ITM2A: variants seen among roughly 807,000 people sequenced by gnomAD.
The protein encoded by ITM2A is BRICHOS domain containing 2A.
In ITM2A, 11 loss-of-function variants were observed where a neutral mutation model predicts 16.6. That is an observed-to-expected ratio of 0.66 (90% CI 0.42 to 1.10). ITM2A has a LOEUF of 1.10. ITM2A is among the 50% of genes least tolerant of loss of function. The pLI, the probability that ITM2A is intolerant of heterozygous loss-of-function variation, is 0.00. For synonymous variants in ITM2A, 102 were observed against 71.2 expected, an observed-to-expected ratio of 1.43 and a Z score of -2.18; for missense variants, 243 against 206.8, an observed-to-expected ratio of 1.17 and a Z score of -1.07.
At chrX:79,363,233 G>T in intron 2 of ITM2A, 94 bp from the exon 3 acceptor site, 1 of 805,758 alleles carries the variant, frequency 1.2e-6, no homozygotes, top group Non-Finnish European at 1.8e-6. Flanking sequence ...ATTGTACTAT[G>T]TGTTAAGCCG....
chrX:79,363,585 A>T, intron 1 of ITM2A, 31 bp from the exon 2 acceptor site: 1 of 1,120,726 alleles, frequency 8.9e-7, no homozygotes, highest in Non-Finnish European at 1.2e-6. Context: ...CCAAAAACAA[A>T]ACCAGATTGT....
In ITM2A at chrX:79,360,391, G is replaced by C. The variant is rs780947065; in HGVS notation, c.*698C>G. The C allele has an allele frequency of 6.3e-5, 7 of 111,630 alleles. No homozygotes were observed. Among genetic ancestry groups the C allele is most frequent in the African/African-American group, 2.3e-4 (7 of 30,846 alleles). 9.2% of individuals were successfully genotyped at this position (111,630 alleles called of 1,213,427 possible). On this transcript the variant is annotated 3_prime_UTR_variant, in exon 6 of 6. Transcript: ENST00000373298. ...AAATAAAAGAAACAGTGGTTGTATA[G>C]AGTAAAATTTATTATAGGGTTGTAG...
rs755788431 is a variant in ITM2A at position 79,363,001 on chromosome X, C to A, written c.382G>T (p.Val128Leu). Residue 128 changes from valine (V) to leucine (L), a missense_variant, in exon 3 of 6, where the codon GTG (valine) becomes TTG (leucine). Transcript: ENST00000373298. Reference protein sequence around the residue: ...REDDNIAIIDVPVPSFSDSDP... With the variant: ...REDDNIAIIDLPVPSFSDSDP... ...CTATCAGAGAAACTGGGGACAGGCA[C>A]ATCAATGATTGCAATGTTGTCATCC... 36 of 1,205,932 alleles carry A rather than the reference C, an allele frequency of 3.0e-5. No individual in the cohort carries two copies. The African/African-American group carries it at 3.9e-4, about 13-fold the overall frequency.
In ITM2A at chrX:79,367,096, G is replaced by A. The variant is rs768805944; in HGVS notation, c.111+9C>T. Reference sequence around the variant, plus strand: ...CCACCCCTCCCCCATCCCGCCCTGGGACAGCTACCTTGCCGGTCAGTATCT... The same window carrying A: ...CCACCCCTCCCCCATCCCGCCCTGGAACAGCTACCTTGCCGGTCAGTATCT... On this transcript the variant is annotated intron_variant, in intron 1 of 5. Transcript: ENST00000373298. 3.4e-6 allele frequency: 4 copies of A among 1,165,615 alleles called. No homozygotes were observed. The East Asian group carries it at 1.2e-4, about 36-fold the overall frequency.
At chrX:79,365,376 T>G (rs1925543062) in intron 1 of ITM2A, among the ~76,000 whole-genome samples, 1 of 111,643 alleles carries the variant, frequency 9.0e-6, no homozygotes, top group Non-Finnish European at 1.9e-5. Flanking sequence ...CTCTTGGAAC[T>G]CTTTCGAAGT....
Position 79,362,833 on chromosome X carries a change from C to G in ITM2A, c.441+109G>C, listed in dbSNP as rs888059472. 4.0e-5 allele frequency: 28 copies of G among 702,131 alleles called. No homozygotes were observed. The Middle Eastern group carries it at 9.2e-4, about 23-fold the overall frequency. The allele number at this position is 702,131 out of a possible 1,213,427, so 57.9% of individuals were successfully genotyped here. On this transcript the variant is annotated intron_variant, in intron 3 of 5. Coordinates refer to ENST00000373298, the MANE Select transcript of ITM2A (RefSeq NM_004867.5). Reference sequence around the variant, plus strand: ...ACAACAAAAGAATGAAAAGGCTTTGCCTCAAAAACATGTGCATTCATGAAT... The same window carrying G: ...ACAACAAAAGAATGAAAAGGCTTTGGCTCAAAAACATGTGCATTCATGAAT...
At chrX:79,361,600 G>C in intron 4 of ITM2A, 121 bp from the exon 5 acceptor site, 4 of 580,308 alleles carry the variant, frequency 6.9e-6, no homozygotes, top group Non-Finnish European at 1.1e-5. Context: ...TTGTTGTAGA[G>C]ATTATTTAAT....
chrX:79,361,209 T>C (rs747508269), intron 5 of ITM2A, 32 bp from the exon 6 acceptor site: 8 of 1,146,659 alleles, frequency 7.0e-6, no homozygotes, highest in Middle Eastern at 2.4e-4. Flanking sequence ...AAGTGGCTTT[T>C]GAAATTTTTG....
chrX:79,363,939 C>T (rs974887430), intron 1 of ITM2A, among the ~76,000 whole-genome samples: 1 of 111,818 alleles, frequency 8.9e-6, no homozygotes, highest in African/African-American at 3.2e-5. Flanking sequence ...TAACAATAGG[C>T]ACAATGCAGT....
intron 4 of ITM2A, among the ~76,000 whole-genome samples, chrX:79,362,260 T>C (rs750247743): frequency 9.0e-6 from 1 of 111,552 alleles, no homozygotes; most frequent in Non-Finnish European, 1.9e-5. Flanking sequence ...GTGATTTTGA[T>C]TTGCATTTAT....
intron 1 of ITM2A, among the ~76,000 whole-genome samples, chrX:79,365,469 T>A (rs1034047399): frequency 8.1e-5 from 9 of 111,325 alleles, no homozygotes; most frequent in African/African-American, 2.9e-4. Context: ...ACACAATATG[T>A]CAAATATTAT....
intron 1 of ITM2A, among the ~76,000 whole-genome samples, chrX:79,366,338 A>G (rs921875386): frequency 1.8e-5 from 2 of 111,718 alleles, no homozygotes; most frequent in African/African-American, 3.3e-5. Context: ...AAAATAATTG[A>G]AAAGTATCCT....
chrX:79,364,629 G>A (rs1323956497), intron 1 of ITM2A, among the ~76,000 whole-genome samples: 2 of 111,707 alleles, frequency 1.8e-5, no homozygotes, highest in Non-Finnish European at 3.8e-5. Flanking sequence ...TCATTCAAAC[G>A]TGTATATAAA....
rs1332936180 is a variant in ITM2A, at chrX:79,361,348, A to G, written c.684T>C (p.Arg228=). 8.3e-7 allele frequency: 1 copy of G among 1,210,048 alleles called. No homozygotes were observed. The highest frequency in any genetic ancestry group is 2.3e-4 in the Middle Eastern group (1 of 4,349). The change falls in exon 5 of 6, where the codon CGT becomes CGC. Residue 228 remains arginine, a synonymous_variant. Transcript: ENST00000373298. ...LCNNRKSFRL[R]RRDLLLGFNK... is the part of the protein sequence containing the mutation. ...ACTTACCCAGCAAGAGGTCTCTGCG[A>G]CGAAGGCGGAAGGACTTTCTGTTAT... is the stretch of plus-strand genomic sequence containing the variant.
intron 1 of ITM2A, among the ~76,000 whole-genome samples, chrX:79,364,767 G>C (rs777295196): frequency 9.0e-6 from 1 of 111,635 alleles, no homozygotes; most frequent in African/African-American, 3.2e-5. Context: ...TAATGCAGAA[G>C]ATGAAAGGAC....
intron 1 of ITM2A, among the ~76,000 whole-genome samples, chrX:79,363,791 A>G (rs1262775473): frequency 8.9e-6 from 1 of 112,099 alleles, no homozygotes; most frequent in African/African-American, 3.2e-5. Flanking sequence ...TCGATATGAA[A>G]TTATTTCAAA....
rs752152528 is a variant in ITM2A at position 79,362,901 on chromosome X, G to A, written c.441+41C>T. On this transcript the variant is annotated intron_variant, in intron 3 of 5. Transcript: ENST00000373298. ...ATGAAGTAAAAAAGAGAGAGAGAGA[G>A]AAAAAAAATCCTGGAATATTTATAA... is the stretch of plus-strand genomic sequence containing the variant. 126 of 1,025,755 alleles carry A rather than the reference G, an allele frequency of 1.2e-4. 1 individual carries two copies. The highest frequency in any genetic ancestry group is 7.4e-4 in the Admixed American group (32 of 43,216). 84.5% of individuals were successfully genotyped at this position (1,025,755 alleles called of 1,213,427 possible). A position where few individuals can be genotyped will look rare whatever the true frequency, so the allele number is the denominator to read the frequency against.
At chrX:79,365,139 C>T (rs1177553305) in intron 1 of ITM2A, among the ~76,000 whole-genome samples, 1 of 111,350 alleles carries the variant, frequency 9.0e-6, no homozygotes, top group African/African-American at 3.3e-5. Context: ...ATTTGAAATT[C>T]TAAGAGAAAT....
chrX:79,361,840 A>G (rs1454669719), intron 4 of ITM2A, among the ~76,000 whole-genome samples: 2 of 77,025 alleles, frequency 2.6e-5, no homozygotes, highest in East Asian at 5.0e-4. Context: ...TGCAAAGGAC[A>G]TGATCTTGTT....
Sources: gnomAD v4.1 joint callset for allele counts (sites outside exome capture counted in the v4.1 genomes callset) on GRCh38, gnomAD v4.1.1 for gene constraint, MANE v1.5 for transcripts, NCBI Gene and HGNC (gene_info 2026-07-23, HGNC 2026-07-21) for gene names.